Variants in GDF7 observed in about 807,000 individuals in gnomAD.
GDF7 encodes growth/differentiation factor 7.
GDF7 carries 12 observed loss-of-function variants against 13.4 expected under a neutral mutation model. The ratio of observed to expected loss-of-function variants is 0.90; its 90% confidence interval spans 0.57 to 1.45. GDF7 has a LOEUF of 1.45. Ranked by LOEUF, GDF7 falls within the 40% of genes most tolerant of loss-of-function variation. The probability of loss-of-function intolerance (pLI) is 0.00; values close to 1 mark genes in which losing one functional copy is unlikely to be tolerated. For missense variants in GDF7, 651 were observed against 652.4 expected, an observed-to-expected ratio of 1.00 and a Z score of 0.02; for synonymous variants, 330 against 306.4, an observed-to-expected ratio of 1.08 and a Z score of -0.80.
At position 20,674,598 on chromosome 2, in the gene GDF7, C is replaced by G. The variant is rs893612056; in HGVS notation, c.*3173C>G. The stretch of plus-strand genomic sequence containing the variant: ...TCCACTGATTCCCAAACACACTTGC[C>G]TTGTTGAATTCTGACTTTCCAAACA... On this transcript the variant is annotated 3_prime_UTR_variant, in exon 2 of 2. Transcript: ENST00000272224. The G allele has an allele frequency of 2.6e-5, 4 of 152,320 alleles. No homozygotes were observed. Among genetic ancestry groups the G allele is most frequent in the Admixed American group, 2.6e-4 (4 of 15,284 alleles). 9.4% of individuals were successfully genotyped at this position (152,320 alleles called of 1,614,324 possible).
At chr2:20,668,559 C>T (rs1662023134) in intron 1 of GDF7, among the ~76,000 whole-genome samples, 1 of 152,198 alleles carries the variant, frequency 6.6e-6, no homozygotes, top group East Asian at 1.9e-4. Flanking sequence ...GCCAGAGACC[C>T]AGCATGGAGG....
chr2:20,670,468 A>G lies in GDF7; in HGVS notation c.396A>G (p.Glu132=), dbSNP rs1449524479. The G allele has an allele frequency of 4.6e-6, 7 of 1,536,396 alleles. No homozygotes were observed. Among genetic ancestry groups the G allele is most frequent in the Non-Finnish European group, 6.1e-6 (7 of 1,140,454 alleles). The part of the protein sequence containing the change: ...TGFTDQATQD[E]SAAETGQSFL... ...GTCCCTGCCGGTCCCCCGCAGACGA[A>G]TCGGCAGCCGAAACAGGCCAGAGCT... Residue 132 remains glutamate, a synonymous_variant, in exon 2 of 2, where the codon GAA becomes GAG. Coordinates refer to ENST00000272224, the MANE Select transcript of GDF7 (RefSeq NM_182828.4).
Position 20,671,368 on chromosome 2 carries a change from C to T in GDF7, c.1296C>T (p.Asn432=). 1 of 1,613,268 alleles carries T rather than the reference C, an allele frequency of 6.2e-7. No homozygotes were observed. ...PISILYIDAA[N]NVVYKQYEDM... ...GCATCCTCTACATCGACGCCGCCAA[C>T]AACGTTGTCTACAAGCAATACGAGG... Residue 432 remains asparagine (N), a synonymous_variant, in exon 2 of 2, where the codon AAC becomes AAT. Coordinates refer to ENST00000272224, the MANE Select transcript of GDF7 (RefSeq NM_182828.4).
Position 20,673,498 on chromosome 2 carries a change from GAA to G in GDF7, c.*2074_*2075del, listed in dbSNP as rs1437598882. The stretch of plus-strand genomic sequence containing the variant: ...AGAATTATATATTAAAAAAAGCACT[GAA>G]GTGTTGAAAGTTGTAGTATTAGAAG... On this transcript the variant is annotated 3_prime_UTR_variant, in exon 2 of 2. Coordinates refer to ENST00000272224, the MANE Select transcript of GDF7 (RefSeq NM_182828.4). The G allele has an allele frequency of 2.6e-5, 4 of 152,164 alleles. No homozygotes were observed. The highest frequency in any genetic ancestry group is 4.4e-5 in the Non-Finnish European group (3 of 68,034). 9.4% of individuals were successfully genotyped at this position (152,164 alleles called of 1,614,324 possible). A position where few individuals can be genotyped will look rare whatever the true frequency, so the allele number is the denominator to read the frequency against.
rs756893365 is a variant in GDF7 at position 20,671,095 on chromosome 2, C to G, written c.1023C>G (p.His341Gln). The G allele has an allele frequency of 6.4e-7, 1 of 1,555,238 alleles. No homozygotes were observed. Among genetic ancestry groups the G allele is most frequent in the Non-Finnish European group, 8.7e-7 (1 of 1,152,960 alleles). Reference sequence around the variant, plus strand: ...GCGGCGGGGGCGCGGGCCGGGGCCACGGGCGCAGGGGCCGGAGCCGCTGCA... The same window carrying G: ...GCGGCGGGGGCGCGGGCCGGGGCCAGGGGCGCAGGGGCCGGAGCCGCTGCA... ...QGSGGGAGRG[H>Q]GRRGRSRCSR... Residue 341 changes from histidine to glutamine, a missense_variant, in exon 2 of 2, where the codon CAC (histidine) becomes CAG (glutamine). Coordinates refer to ENST00000272224, the MANE Select transcript of GDF7 (RefSeq NM_182828.4).
At position 20,674,200 on chromosome 2, in the gene GDF7, T is replaced by G. The variant is rs988210488; in HGVS notation, c.*2775T>G. On this transcript the variant is annotated 3_prime_UTR_variant, in exon 2 of 2. Transcript: ENST00000272224. The stretch of plus-strand genomic sequence containing the variant: ...ACTGGCATGAACCCAGCTTCTCTGT[T>G]GCAACCCCCAGCTGGAATCTCCAGT... The G allele has an allele frequency of 3.9e-5, 6 of 152,286 alleles. No individual in the cohort carries two copies. Among genetic ancestry groups the G allele is most frequent in the South Asian group, 2.1e-4 (1 of 4,832 alleles). 9.4% of individuals were successfully genotyped at this position (152,286 alleles called of 1,614,324 possible). A position where few individuals can be genotyped will look rare whatever the true frequency, so the allele number is the denominator to read the frequency against.
intron 1 of GDF7, among the ~76,000 whole-genome samples, chr2:20,669,442 C>A (rs1389728479): frequency 1.3e-5 from 1 of 78,404 alleles, no homozygotes; most frequent in Admixed American, 1.7e-4. Flanking sequence ...TTTTCTGAGC[C>A]CAAAAAGGAA....
In GDF7 at chr2:20,671,310, C is replaced by T; in HGVS notation, c.1238C>T (p.Ser413Phe). Reference protein sequence around the residue: ...NSMAPDAAPASCCVPARLSPI... With the variant: ...NSMAPDAAPAFCCVPARLSPI... ...ATGGCACCAGACGCGGCGCCGGCCT[C>T]CTGCTGTGTGCCAGCGCGCCTCAGC... Residue 413 changes from serine to phenylalanine, a missense_variant, in exon 2 of 2, where the codon TCC becomes TTC. Transcript: ENST00000272224. The T allele has an allele frequency of 6.2e-7, 1 of 1,613,762 alleles. No homozygotes were observed. The highest frequency in any genetic ancestry group is 8.5e-7 in the Non-Finnish European group (1 of 1,179,962).
At position 20,670,460 on chromosome 2, in the gene GDF7, G is replaced by A; in HGVS notation, c.392-4G>A. ...TTCTCTCTGTCCCTGCCGGTCCCCC[G>A]CAGACGAATCGGCAGCCGAAACAGG... On this transcript the variant is annotated splice_region_variant and splice_polypyrimidine_tract_variant and intron_variant, in intron 1 of 1. Transcript: ENST00000272224. 1 of 1,529,972 alleles carries A rather than the reference G, an allele frequency of 6.5e-7. No homozygotes were observed. Among genetic ancestry groups the A allele is most frequent in the African/African-American group, 1.4e-5 (1 of 70,530 alleles). The allele number at this position is 1,529,972 out of a possible 1,614,324, so 94.8% of individuals were successfully genotyped here.
chr2:20,667,563 C>G lies in GDF7; in HGVS notation c.324C>G (p.Ala108=), dbSNP rs751333411. The change falls in exon 1 of 2, where the codon GCC becomes GCG. Residue 108 remains alanine (A), a synonymous_variant. Coordinates refer to ENST00000272224, the MANE Select transcript of GDF7 (RefSeq NM_182828.4). This position sits in a 1 kb window ranked among gnomAD's most constrained non-coding sequence, Gnocchi z 6.4. ...CCGGGAGGGCTCCGGCCGGGGCAGC[C>G]GCTGTCTCCGCCTCGGGCCATGGTC... ...SLAGRAPAGA[A]AVSASGHGRA... is the part of the protein sequence containing the mutation. The G allele has an allele frequency of 6.7e-7, 1 of 1,499,422 alleles. No individual in the cohort carries two copies. The highest frequency in any genetic ancestry group is 8.8e-7 in the Non-Finnish European group (1 of 1,131,550). 92.9% of individuals were successfully genotyped at this position (1,499,422 alleles called of 1,614,324 possible). A position where few individuals can be genotyped will look rare whatever the true frequency, so the allele number is the denominator to read the frequency against.
At position 20,670,640 on chromosome 2, in the gene GDF7, C is replaced by A. The variant is rs746808070; in HGVS notation, c.568C>A (p.Arg190=). The change falls in exon 2 of 2, where the codon CGA becomes AGA. Residue 190 remains arginine (R), a synonymous_variant. Coordinates refer to ENST00000272224, the MANE Select transcript of GDF7 (RefSeq NM_182828.4). The part of the protein sequence containing the change: ...LLLSTCPGAA[R]APRLLYSRAA... The stretch of plus-strand genomic sequence containing the variant: ...GCTGTCCACGTGCCCGGGCGCCGCC[C>A]GAGCGCCACGCCTGCTGTACTCGCG... 1.9e-5 allele frequency: 29 copies of A among 1,554,946 alleles called. No individual in the cohort carries two copies. In the South Asian group the frequency reaches 1.9e-4, roughly 10 times the overall value.
rs993525053 is a variant in GDF7, at chr2:20,667,664, T to G, written c.391+34T>G. On this transcript the variant is annotated intron_variant, in intron 1 of 1. Coordinates refer to ENST00000272224, the MANE Select transcript of GDF7 (RefSeq NM_182828.4). The surrounding 1 kb of genome is among the most constrained non-coding windows in gnomAD (Gnocchi z 6.4). ...GCCTCTTCTGTGCCCGCCCATCCCG[T>G]CAGGTCCTGGGCTGAGACCAGCCCC... is the stretch of plus-strand genomic sequence containing the variant. 9 of 1,368,604 alleles carry G rather than the reference T, an allele frequency of 6.6e-6. No individual in the cohort carries two copies. Among genetic ancestry groups the G allele is most frequent in the African/African-American group, 3.0e-5 (2 of 65,888 alleles). The allele number at this position is 1,368,604 out of a possible 1,614,324, so 84.8% of individuals were successfully genotyped here.
In GDF7 at chr2:20,675,160, T is replaced by TC. The variant is rs1326647616; in HGVS notation, c.*3735_*3736insC. On this transcript the variant is annotated 3_prime_UTR_variant, in exon 2 of 2. Transcript: ENST00000272224. ...AATCACTGGGCCTCGCTGATTCTCA[T>TC]GAGAACCTGTCATCTCAGTGAGACA... 1 of 152,202 alleles carries TC rather than the reference T, an allele frequency of 6.6e-6. No homozygotes were observed. Among genetic ancestry groups the TC allele is most frequent in the Non-Finnish European group, 1.5e-5 (1 of 68,046 alleles). 9.4% of individuals were successfully genotyped at this position (152,202 alleles called of 1,614,324 possible).
Position 20,678,298 on chromosome 2 carries a change from T to G in GDF7, c.*6873T>G, listed in dbSNP as rs971379027. On this transcript the variant is annotated 3_prime_UTR_variant, in exon 2 of 2. Transcript: ENST00000272224. The stretch of plus-strand genomic sequence containing the variant: ...TTTTGTATTTCACTTTACACTGTAA[T>G]GCAAACAGCTTTTATGTTTTCTTTG... 17 of 152,252 alleles carry G rather than the reference T, an allele frequency of 1.1e-4. No individual in the cohort carries two copies. The highest frequency in any genetic ancestry group is 2.6e-4 in the Admixed American group (4 of 15,292). 9.4% of individuals were successfully genotyped at this position (152,252 alleles called of 1,614,324 possible). A position where few individuals can be genotyped will look rare whatever the true frequency, so the allele number is the denominator to read the frequency against.
intron 1 of GDF7, 54 bp from the exon 2 acceptor site, chr2:20,670,410 G>A: frequency 1.8e-5 from 26 of 1,460,054 alleles, no homozygotes; most frequent in Non-Finnish European, 2.4e-5. Flanking sequence ...CTGACAGTGT[G>A]CAGGATTTGC....
chr2:20,667,247 T>C lies in GDF7; in HGVS notation c.8T>C (p.Leu3Pro). MD[L>P]SAAAALCLWL... The stretch of plus-strand genomic sequence containing the variant: ...GCCCGGCCCACGGAGCCCATGGACC[T>C]GAGCGCCGCCGCCGCGCTGTGCCTT... The change falls in exon 1 of 2, where the codon CTG becomes CCG. Residue 3 changes from leucine (L) to proline (P), a missense_variant. Leu to Pro is a moderately conservative substitution (Grantham distance 98). Coordinates refer to ENST00000272224, the MANE Select transcript of GDF7 (RefSeq NM_182828.4). The surrounding 1 kb of genome is among the most constrained non-coding windows in gnomAD (Gnocchi z 6.4). 2.5e-6 allele frequency: 3 copies of C among 1,215,956 alleles called. No individual in the cohort carries two copies. Among genetic ancestry groups the C allele is most frequent in the Admixed American group, 3.9e-5 (1 of 25,552 alleles). 75.3% of individuals were successfully genotyped at this position (1,215,956 alleles called of 1,614,324 possible). A position where few individuals can be genotyped will look rare whatever the true frequency, so the allele number is the denominator to read the frequency against.
At chr2:20,668,728 A>G (rs985600245) in intron 1 of GDF7, among the ~76,000 whole-genome samples, 1 of 152,192 alleles carries the variant, frequency 6.6e-6, no homozygotes, top group African/African-American at 2.4e-5. Context: ...CTGCCAGCAC[A>G]TGCCCAGTGC....
At position 20,667,592 on chromosome 2, in the gene GDF7, C is replaced by G. The variant is rs756109228; in HGVS notation, c.353C>G (p.Ala118Gly). The G allele has an allele frequency of 6.6e-7, 1 of 1,512,294 alleles. No homozygotes were observed. Among genetic ancestry groups the G allele is most frequent in the East Asian group, 2.7e-5 (1 of 37,222 alleles). 93.7% of individuals were successfully genotyped at this position (1,512,294 alleles called of 1,614,324 possible). A position where few individuals can be genotyped will look rare whatever the true frequency, so the allele number is the denominator to read the frequency against. ...GTCTCCGCCTCGGGCCATGGTCGCG[C>G]GGACACGATCACCGGCTTCACAGAC... is the stretch of plus-strand genomic sequence containing the variant. ...AAVSASGHGRADTITGFTDQA... is the reference protein window; with the variant it reads ...AAVSASGHGRGDTITGFTDQA... The change falls in exon 1 of 2, where the codon GCG becomes GGG. Residue 118 changes from alanine to glycine, a missense_variant. This residue lies in a region of GDF7 where 487 missense variants were observed against 445.9 expected (regional missense o/e 1.09). Coordinates refer to ENST00000272224, the MANE Select transcript of GDF7 (RefSeq NM_182828.4). This position sits in a 1 kb window ranked among gnomAD's most constrained non-coding sequence, Gnocchi z 6.4.
In GDF7 at chr2:20,671,263, C is replaced by T. The variant is rs778037018; in HGVS notation, c.1191C>T (p.Ile397=). ...RSHLEPTNHA[I]IQTLLNSMAP... ...ACCTCGAGCCCACCAACCATGCCAT[C>T]ATTCAGACGCTGCTCAACTCCATGG... is the stretch of plus-strand genomic sequence containing the variant. Residue 397 remains isoleucine, a synonymous_variant, in exon 2 of 2, where the codon ATC becomes ATT. Coordinates refer to ENST00000272224, the MANE Select transcript of GDF7 (RefSeq NM_182828.4). 3.7e-6 allele frequency: 6 copies of T among 1,613,990 alleles called. No homozygotes were observed. The East Asian group carries it at 1.3e-4, about 36-fold the overall frequency.
Sources: allele counts gnomAD v4.1 joint callset (sites outside exome capture counted in the v4.1 genomes callset), GRCh38; gene constraint gnomAD v4.1.1; regional missense constraint gnomAD v4.1.1; non-coding constraint Gnocchi (gnomAD v3.1); transcripts MANE v1.5; gene names NCBI Gene and HGNC (gene_info 2026-07-23, HGNC 2026-07-21).